RAB43: variants seen among roughly 807,000 people sequenced by gnomAD.
RAB43 encodes RAB43, member RAS oncogene family, also known as ras-related protein Rab-43.
In RAB43, 6 loss-of-function variants were observed where a neutral mutation model predicts 18.8. The observed-to-expected ratio is 0.32, with a 90% CI of 0.17 to 0.63. RAB43 has a LOEUF of 0.63. Ranked by LOEUF, RAB43 falls within the 30% of genes least tolerant of loss-of-function variation. The pLI is 0.79. For missense variants in RAB43, 195 were observed against 289.1 expected, an observed-to-expected ratio of 0.67 and a Z score of 2.36; for synonymous variants, 103 against 124.1, an observed-to-expected ratio of 0.83 and a Z score of 1.13.
intron 1 of RAB43, among the ~76,000 whole-genome samples, chr3:129,104,996 A>G (rs1407678484): frequency 6.6e-6 from 1 of 152,148 alleles, no homozygotes; most frequent in Admixed American, 6.5e-5. Flanking sequence ...CCCTACAACA[A>G]CACACATCAC....
rs567489633 is a variant in RAB43 at position 129,094,097 on chromosome 3, C to T, written c.388+889G>A. Among the ~76,000 whole-genome samples, 471 of 152,316 alleles carry T rather than the reference C, an allele frequency of 3.1e-3. 2 individuals carry two copies. The highest frequency in any genetic ancestry group is 0.014 in the Middle Eastern group (4 of 294). On this transcript the variant is annotated intron_variant, in intron 2 of 2. Transcript: ENST00000315150. ...TCTCAAAGTGGGATCCTTGGACCAG[C>T]AAGGTGGGTGTCACTTGGGAATTTG...
intron 2 of RAB43, chr3:129,092,551 A>G (rs994464245): frequency 4.3e-6 from 3 of 695,674 alleles, no homozygotes; most frequent in Non-Finnish European, 7.8e-6. Context: ...GCTTGAGGCC[A>G]GGAGTTCAAG....
intron 1 of RAB43, among the ~76,000 whole-genome samples, chr3:129,105,576 T>C (rs1407159908): frequency 6.6e-6 from 1 of 151,942 alleles, no homozygotes; most frequent in African/African-American, 2.4e-5. Flanking sequence ...AGGTCAAGAT[T>C]CGAGACCAGC....
At chr3:129,115,246 G>A (rs1263422670) in intron 1 of RAB43, among the ~76,000 whole-genome samples, 1 of 152,102 alleles carries the variant, frequency 6.6e-6, no homozygotes, top group African/African-American at 2.4e-5. Flanking sequence ...CCAGCACTTT[G>A]GGAGGCCGAG....
At chr3:129,092,089 G>T (rs1050356670) in intron 2 of RAB43, among the ~76,000 whole-genome samples, 49 of 144,344 alleles carry the variant, frequency 3.4e-4, no homozygotes, top group African/African-American at 1.1e-3. Flanking sequence ...AGTCTGTAAA[G>T]ATCTAAAATT....
chr3:129,095,244 C>A lies in RAB43; in HGVS notation c.205-75G>T. The A allele has an allele frequency of 1.3e-6, 2 of 1,535,944 alleles. No homozygotes were observed. The highest frequency in any genetic ancestry group is 8.8e-7 in the Non-Finnish European group (1 of 1,138,126). On this transcript the variant is annotated intron_variant, in intron 1 of 2. Transcript: ENST00000315150. This position sits in a 1 kb window ranked among gnomAD's most constrained non-coding sequence, Gnocchi z 4.2. The stretch of plus-strand genomic sequence containing the variant: ...GGGACAGGCAGAGTGACCCCACAGA[C>A]CCACACCCAGAGCTGTGGTTCCACT...
intron 1 of RAB43, among the ~76,000 whole-genome samples, chr3:129,110,843 C>T (rs186930319): frequency 2.0e-5 from 3 of 150,992 alleles, no homozygotes; most frequent in South Asian, 4.2e-4. Context: ...CACTGAATCA[C>T]GCACTTTAAG....
upstream of RAB43, chr3:129,121,926 TCCCCGCCCCCGA>T (rs1161723902): frequency 8.2e-6 from 1 of 122,396 alleles, no homozygotes; most frequent in Non-Finnish European, 1.7e-5. Context: ...TCCGCCTACG[TCCCCGCCCCCGA>T]CTCCGCCCTC....
chr3:129,113,163 TA>T (rs1417906839), intron 1 of RAB43, among the ~76,000 whole-genome samples: 1 of 148,572 alleles, frequency 6.7e-6, no homozygotes, highest in Admixed American at 6.8e-5. Context: ...TTATTATTAT[TA>T]TTATTATTTT....
At chr3:129,100,638 T>C (rs1480099502) in intron 1 of RAB43, among the ~76,000 whole-genome samples, 1 of 152,142 alleles carries the variant, frequency 6.6e-6, no homozygotes, top group African/African-American at 2.4e-5. Context: ...ATGGAGAAGA[T>C]ATTTTGGGAA....
chr3:129,093,541 C>T (rs918660191), intron 2 of RAB43, among the ~76,000 whole-genome samples: 1 of 152,140 alleles, frequency 6.6e-6, no homozygotes, highest in Non-Finnish European at 1.5e-5. Context: ...ACCCGGGAGG[C>T]GGAGGTTGCA....
At chr3:129,119,512 G>A (rs750610660) in intron 1 of RAB43, among the ~76,000 whole-genome samples, 1 of 152,174 alleles carries the variant, frequency 6.6e-6, no homozygotes, top group Non-Finnish European at 1.5e-5. Context: ...GTGAGCGGGG[G>A]TAAGAATTCC....
At chr3:129,120,309 G>A (rs1935824082) in intron 1 of RAB43, among the ~76,000 whole-genome samples, 1 of 152,192 alleles carries the variant, frequency 6.6e-6, no homozygotes, top group Non-Finnish European at 1.5e-5. Flanking sequence ...CACCCGGAGA[G>A]GCAGAGCCCA....
At position 129,094,130 on chromosome 3, in the gene RAB43, C is replaced by T. The variant is rs181493200; in HGVS notation, c.388+856G>A. 1.3e-3 allele frequency among the ~76,000 whole-genome samples: 195 copies of T among 152,328 alleles called. 2 individuals are homozygous for T. In the East Asian group the frequency reaches 0.02, roughly 16 times the overall value. On this transcript the variant is annotated intron_variant, in intron 2 of 2. Transcript: ENST00000315150. Reference sequence around the variant, plus strand: ...GTGTCACTTGGGAATTTGTTAGAAACGCACATTCATGGGCCCCACCCAGCC... The same window carrying T: ...GTGTCACTTGGGAATTTGTTAGAAATGCACATTCATGGGCCCCACCCAGCC...
At chr3:129,106,955 G>A (rs1576834337) in intron 1 of RAB43, among the ~76,000 whole-genome samples, 2 of 152,120 alleles carry the variant, frequency 1.3e-5, no homozygotes, top group Non-Finnish European at 2.9e-5. Context: ...TCAGCTTCTC[G>A]CAGTTCAAGT....
intron 2 of RAB43, among the ~76,000 whole-genome samples, chr3:129,092,885 G>A (rs1174298745): frequency 6.6e-6 from 1 of 151,970 alleles, no homozygotes; most frequent in Non-Finnish European, 1.5e-5. Context: ...GAACCCAGGA[G>A]GCAGAGCTTG....
intron 1 of RAB43, among the ~76,000 whole-genome samples, chr3:129,104,206 G>T (rs1353212833): frequency 1.3e-5 from 2 of 152,116 alleles, no homozygotes; most frequent in Non-Finnish European, 2.9e-5. Context: ...CTGCCCAGGG[G>T]ACATAAACAA....
intron 1 of RAB43, among the ~76,000 whole-genome samples, chr3:129,115,553 C>T (rs983535116): frequency 6.6e-6 from 1 of 152,042 alleles, no homozygotes; most frequent in Non-Finnish European, 1.5e-5. Flanking sequence ...GGCGCGGTGG[C>T]TCACACCTGT....
intron 1 of RAB43, among the ~76,000 whole-genome samples, chr3:129,106,398 G>A (rs997406538): frequency 6.6e-6 from 1 of 152,224 alleles, no homozygotes. Context: ...AGGAGGTGGA[G>A]TTTGTGGGCC....
Sources: allele counts gnomAD v4.1 joint callset (sites outside exome capture counted in the v4.1 genomes callset), GRCh38; gene constraint gnomAD v4.1.1; non-coding constraint Gnocchi (gnomAD v3.1); transcripts MANE v1.5; gene names NCBI Gene and HGNC (gene_info 2026-07-23, HGNC 2026-07-21).